Variants in MERTK observed in about 807,000 individuals in gnomAD.
MERTK encodes the protein tyrosine-protein kinase Mer.
In MERTK, 69 loss-of-function variants were observed where a neutral mutation model predicts 99.3. The ratio of observed to expected loss-of-function variants is 0.70; its 90% CI spans 0.57 to 0.85. The LOEUF (loss-of-function observed/expected upper bound fraction) is 0.85, where lower values mean the gene tolerates loss of function less well. MERTK is among the 40% of genes least tolerant of loss of function. The probability of loss-of-function intolerance (pLI) is 0.00; values close to 1 mark genes in which losing one functional copy is unlikely to be tolerated. For missense variants in MERTK, 1,125 were observed against 1,249.4 expected (o/e 0.90, Z 1.50); for synonymous variants, 426 against 467.6 (o/e 0.91, Z 1.15).
In MERTK at chr2:111,943,541, A is replaced by C. The variant is rs114493914; in HGVS notation, c.483-1419A>C. On this transcript the variant is annotated intron_variant, in intron 2 of 18. Coordinates refer to ENST00000295408, the MANE Select transcript of MERTK (RefSeq NM_006343.3). Reference sequence around the variant, plus strand: ...GTGACAGAGCGAGACCCCATCTAAAATAAAATAAAATAAAATGTGCATTTC... The same window carrying C: ...GTGACAGAGCGAGACCCCATCTAAACTAAAATAAAATAAAATGTGCATTTC... 3.1e-3 allele frequency among the ~76,000 whole-genome samples: 473 copies of C among 152,226 alleles called. 4 individuals carry two copies. The highest frequency in any genetic ancestry group is 0.011 in the African/African-American group (449 of 41,538).
At position 111,949,209 on chromosome 2, in the gene MERTK, G is replaced by A. The variant is rs140686586; in HGVS notation, c.757+1642G>A. On this transcript the variant is annotated intron_variant, in intron 4 of 18. Transcript: ENST00000295408. ...GTACTCCTCCATTGCACTTGTCACCGTCTATAATTACCCAGTTTATTCATT... is the reference window on the plus strand; with the variant it reads ...GTACTCCTCCATTGCACTTGTCACCATCTATAATTACCCAGTTTATTCATT... Among the ~76,000 whole-genome samples the A allele has an allele frequency of 2.9e-3, 447 of 152,022 alleles. 3 individuals carry two copies. Among genetic ancestry groups the A allele is most frequent in the African/African-American group, 6.5e-3 (268 of 41,436 alleles).
chr2:112,027,321 C>G (rs528937051), intron 18 of MERTK, among the ~76,000 whole-genome samples: 3 of 143,532 alleles, frequency 2.1e-5, no homozygotes, highest in African/African-American at 8.0e-5. Flanking sequence ...TATATATATA[C>G]ACACACATAT....
intron 4 of MERTK, 131 bp downstream of exon 4, chr2:111,947,698 T>C (rs1178558920): frequency 3.7e-6 from 4 of 1,076,552 alleles, no homozygotes; most frequent in Non-Finnish European, 5.6e-6. Flanking sequence ...AGCAAAGTTA[T>C]GGGACCAGGT....
chr2:111,933,707 C>A lies in MERTK; in HGVS notation c.482+4167C>A, dbSNP rs541415730. Among the ~76,000 whole-genome samples, 5 of 152,234 alleles carry A rather than the reference C, an allele frequency of 3.3e-5. No individual in the cohort carries two copies. The South Asian group carries it at 8.3e-4, about 25-fold the overall frequency. On this transcript the variant is annotated intron_variant, in intron 2 of 18. Coordinates refer to ENST00000295408, the MANE Select transcript of MERTK (RefSeq NM_006343.3). The stretch of plus-strand genomic sequence containing the variant: ...TGGCACAATCGTGAGTTACTAGAGA[C>A]TGACCCTGTGTTTTATCTTTCTTTT...
At chr2:112,009,050 A>C (rs1247522811) in intron 14 of MERTK, among the ~76,000 whole-genome samples, 1 of 152,212 alleles carries the variant, frequency 6.6e-6, no homozygotes, top group Non-Finnish European at 1.5e-5. Context: ...ATGCTGTGTA[A>C]GTGGCTCTGT....
intron 10 of MERTK, among the ~76,000 whole-genome samples, chr2:112,000,527 T>C (rs540754718): frequency 6.6e-5 from 10 of 152,284 alleles, no homozygotes; most frequent in African/African-American, 2.4e-4. Context: ...TGCAATGTGT[T>C]CGATGTTTTG....
At chr2:111,970,838 T>TCTCCTCCTTCTC (rs1167000198) in intron 6 of MERTK, among the ~76,000 whole-genome samples, 2 of 123,802 alleles carry the variant, frequency 1.6e-5, no homozygotes, top group African/African-American at 3.1e-5. Context: ...CCCTCCTCCT[T>TCTCCTCCTTCTC]CTCCTCCTTC....
intron 1 of MERTK, among the ~76,000 whole-genome samples, chr2:111,910,610 G>GTGTGTGTGTATATATA (rs370882764): frequency 2.1e-5 from 3 of 143,588 alleles, no homozygotes; most frequent in African/African-American, 7.8e-5. Flanking sequence ...GTGTGTGTGT[G>GTGTGTGTGTATATATA]TATATATATA....
At chr2:111,980,083 A>G (rs569372691) in intron 7 of MERTK, among the ~76,000 whole-genome samples, 5 of 152,306 alleles carry the variant, frequency 3.3e-5, no homozygotes, top group African/African-American at 9.6e-5. Context: ...ATACCCCCCA[A>G]CTGTCAAAAT....
intron 1 of MERTK, among the ~76,000 whole-genome samples, chr2:111,917,752 G>C (rs2104673406): frequency 6.6e-6 from 1 of 152,194 alleles, no homozygotes; most frequent in East Asian, 1.9e-4. Flanking sequence ...GGGCGTGGTA[G>C]CGTGCGCCTG....
intron 11 of MERTK, among the ~76,000 whole-genome samples, chr2:112,002,578 C>T (rs1676890634): frequency 6.6e-6 from 1 of 152,168 alleles, no homozygotes; most frequent in Non-Finnish European, 1.5e-5. Flanking sequence ...TGTAATTCTT[C>T]AGAATTAACC....
chr2:111,960,542 C>CGGAA (rs1203506109), intron 4 of MERTK, among the ~76,000 whole-genome samples: 1 of 149,514 alleles, frequency 6.7e-6, no homozygotes, highest in East Asian at 2.0e-4. Context: ...AGAAATTGCT[C>CGGAA]TTCCAATAAA....
At position 111,953,343 on chromosome 2, in the gene MERTK, A is replaced by G. The variant is rs150530980; in HGVS notation, c.757+5776A>G. On this transcript the variant is annotated intron_variant, in intron 4 of 18. Transcript: ENST00000295408. ...CAATACGCAGTATACCGCACTGCTC[A>G]GGCAGTTTTCCTATTTGTGAAGGGT... Among the ~76,000 whole-genome samples the G allele has an allele frequency of 5.0e-3, 762 of 152,328 alleles. 10 individuals carry two copies. Among genetic ancestry groups the G allele is most frequent in the African/African-American group, 0.018 (735 of 41,558 alleles).
chr2:111,919,030 A>G (rs1263417831), intron 1 of MERTK, among the ~76,000 whole-genome samples: 1 of 152,210 alleles, frequency 6.6e-6, no homozygotes, highest in Admixed American at 6.5e-5. Flanking sequence ...TTACAGAAAG[A>G]GGAGAGTGAG....
At chr2:111,966,654 T>A (rs1369872543) in intron 5 of MERTK, among the ~76,000 whole-genome samples, 1 of 152,230 alleles carries the variant, frequency 6.6e-6, no homozygotes, top group Admixed American at 6.5e-5. Context: ...ATAAAATTTA[T>A]GTCAAAGCTA....
intron 10 of MERTK, among the ~76,000 whole-genome samples, chr2:111,998,220 C>A (rs1294738259): frequency 1.3e-5 from 2 of 152,192 alleles, no homozygotes; most frequent in African/African-American, 4.8e-5. Flanking sequence ...CCTATTCTTA[C>A]AATTGTTATA....
chr2:111,941,714 A>G (rs1350458502), intron 2 of MERTK, among the ~76,000 whole-genome samples: 1 of 151,908 alleles, frequency 6.6e-6, no homozygotes, highest in African/African-American at 2.4e-5. Context: ...ATAATGATTT[A>G]TGGAAAATCT....
At chr2:111,969,284 A>G (rs1169821793) in intron 6 of MERTK, among the ~76,000 whole-genome samples, 2 of 152,188 alleles carry the variant, frequency 1.3e-5, no homozygotes, top group Non-Finnish European at 2.9e-5. Flanking sequence ...ACCAGAACTC[A>G]AGTCCAGGAA....
At chr2:111,904,019 C>A (rs1684092739) in intron 1 of MERTK, among the ~76,000 whole-genome samples, 1 of 152,128 alleles carries the variant, frequency 6.6e-6, no homozygotes, top group African/African-American at 2.4e-5. Context: ...AAGGGGCCCT[C>A]CGGTGTCGCC....
Sources: gnomAD v4.1 joint callset for allele counts (sites outside exome capture counted in the v4.1 genomes callset) on GRCh38, gnomAD v4.1.1 for gene constraint, MANE v1.5 for transcripts, NCBI Gene and HGNC (gene_info 2026-07-23, HGNC 2026-07-21) for gene names.